Variants in COL4A3 observed in about 807,000 individuals in gnomAD.
The protein encoded by COL4A3 is collagen alpha-3(IV) chain.
COL4A3 carries 135 observed loss-of-function variants against 217.4 expected under a neutral mutation model. The observed-to-expected ratio is 0.62, with a 90% confidence interval of 0.54 to 0.72. The LOEUF is 0.72. Among genes scored for constraint, COL4A3 ranks in the 30% least tolerant of loss-of-function variants. The probability of loss-of-function intolerance (pLI) is 0.00; values close to 1 mark genes in which losing one functional copy is unlikely to be tolerated. For synonymous variants in COL4A3, 690 were observed against 736.3 expected (o/e 0.94, Z 1.02); for missense variants, 1,868 against 2,119.9 (o/e 0.88, Z 2.33).
chr2:227,203,480 CATATGTGTGTATATGTGTATATATACAT>C (rs1559823053), intron 1 of COL4A3, among the ~76,000 whole-genome samples: 1 of 20,792 alleles, frequency 4.8e-5, no homozygotes, highest in Non-Finnish European at 7.8e-5. Flanking sequence ...TATGTGTATA[CATATGTGTGTATATGTGTATATATACAT>C]ATATGTGTGT....
At chr2:227,198,389 T>C (rs2066562889) in intron 1 of COL4A3, among the ~76,000 whole-genome samples, 2 of 152,194 alleles carry the variant, frequency 1.3e-5, no homozygotes, top group South Asian at 2.1e-4. Flanking sequence ...TATTTAAAAA[T>C]TCAAATATAG....
chr2:227,208,756 G>C (rs1005458834), intron 1 of COL4A3, among the ~76,000 whole-genome samples: 2 of 141,798 alleles, frequency 1.4e-5, no homozygotes, highest in African/African-American at 2.8e-5. Flanking sequence ...AACCCATTAG[G>C]CGGTTGGTTA....
At chr2:227,260,976 A>C (rs2070520177) in intron 19 of COL4A3, 106 bp from the exon 20 acceptor site, 2 of 911,644 alleles carry the variant, frequency 2.2e-6, no homozygotes, top group East Asian at 2.5e-5. Context: ...AAAGTATGAA[A>C]ACTCTGTATT....
chr2:227,188,394 A>G (rs2066109935), intron 1 of COL4A3, among the ~76,000 whole-genome samples: 1 of 152,056 alleles, frequency 6.6e-6, no homozygotes, highest in African/African-American at 2.4e-5. Context: ...GTCTTTTTAA[A>G]GCTCAGCGAG....
Position 227,251,383 on chromosome 2 carries a change from T to C in COL4A3, c.645+12T>C, listed in dbSNP as rs1292580602. 1.2e-6 allele frequency: 2 copies of C among 1,611,702 alleles called. No homozygotes were observed. Among genetic ancestry groups the C allele is most frequent in the East Asian group, 4.5e-5 (2 of 44,840 alleles). ...CTAGAGGACCTAAGGTAGACTACAG[T>C]TCATATGATGTAACAGCTAGCACAC... On this transcript the variant is annotated intron_variant, in intron 11 of 51. Coordinates refer to ENST00000396578, the MANE Select transcript of COL4A3 (RefSeq NM_000091.5).
intron 1 of COL4A3, among the ~76,000 whole-genome samples, chr2:227,188,577 C>A (rs1230128522): frequency 6.6e-6 from 1 of 152,076 alleles, no homozygotes; most frequent in Admixed American, 6.6e-5. Context: ...CTCATGGAAT[C>A]AAAACCCAAA....
At chr2:227,232,585 T>C (rs2068464994) in intron 1 of COL4A3, among the ~76,000 whole-genome samples, 1 of 152,198 alleles carries the variant, frequency 6.6e-6, no homozygotes, top group African/African-American at 2.4e-5. Context: ...TGAGATGATA[T>C]CTCGGTGTAG....
intron 1 of COL4A3, among the ~76,000 whole-genome samples, chr2:227,179,932 A>G (rs957090931): frequency 6.6e-5 from 10 of 152,268 alleles, no homozygotes; most frequent in African/African-American, 2.4e-4. Context: ...CAGGCATTAT[A>G]TTAAGCAAAT....
At chr2:227,210,434 T>TAC (rs1348470711) in intron 1 of COL4A3, among the ~76,000 whole-genome samples, 58 of 147,054 alleles carry the variant, frequency 3.9e-4, no homozygotes, top group East Asian at 1.3e-3. Context: ...CTACTAAAAA[T>TAC]AAAAAATTAG....
intron 4 of COL4A3, 29 bp downstream of exon 4, chr2:227,244,393 C>A (rs558894433): frequency 4.4e-6 from 7 of 1,604,444 alleles, no homozygotes; most frequent in African/African-American, 2.7e-5. Context: ...CCACCCTGAT[C>A]GTTAAAAGAT....
intron 1 of COL4A3, chr2:227,169,215 T>C (rs1418307023): frequency 6.6e-6 from 1 of 151,446 alleles, no homozygotes; most frequent in South Asian, 2.1e-4. Context: ...ACAAAGGACA[T>C]GAACTCGTCA....
At chr2:227,202,763 A>ATATATATATATTATATATATATATATG (rs1559819259) in intron 1 of COL4A3, among the ~76,000 whole-genome samples, 2 of 109,630 alleles carry the variant, frequency 1.8e-5, no homozygotes, top group Non-Finnish European at 3.9e-5. Context: ...ATATATATAT[A>ATATATATATATTATATATATATATATG]TATATATATC....
chr2:227,254,771 C>T (rs1006735624), intron 15 of COL4A3, 56 bp downstream of exon 15: 10 of 1,259,444 alleles, frequency 7.9e-6, no homozygotes, highest in Non-Finnish European at 1.2e-5. Flanking sequence ...ACTTGGGACT[C>T]TTTAGGTTAC....
chr2:227,303,732 C>A (rs2073387139), intron 44 of COL4A3, 127 bp from the exon 45 acceptor site: 5 of 909,440 alleles, frequency 5.5e-6, no homozygotes, highest in Non-Finnish European at 7.1e-6. Context: ...GCCCTTGTGA[C>A]AGAACCCATA....
At position 227,266,445 on chromosome 2, in the gene COL4A3, T is replaced by G. The variant is rs772938462; in HGVS notation, c.1344T>G (p.Pro448=). ...ACATCGTTTTTCGCAAGGGTCCACC[T>G]GGAGATCACGGACTGCCAGGCTATC... ...PGDIVFRKGP[P]GDHGLPGYLG... Residue 448 remains proline (P), a synonymous_variant, in exon 22 of 52, where the codon CCT becomes CCG. Transcript: ENST00000396578. The G allele has an allele frequency of 6.2e-7, 1 of 1,614,116 alleles. No homozygotes were observed. The highest frequency in any genetic ancestry group is 2.2e-5 in the East Asian group (1 of 44,876).
chr2:227,303,048 G>A lies in COL4A3; in HGVS notation c.3893G>A (p.Gly1298Asp). ...MGPPGRLGAP[G>D]TPGLPGPRGD... is the part of the protein sequence containing the mutation. ...TTATTTGAAATATAGGGAGCACCAGGTACTCCAGGTCTTCCAGGACCCAGA... is the reference window on the plus strand; with the variant it reads ...TTATTTGAAATATAGGGAGCACCAGATACTCCAGGTCTTCCAGGACCCAGA... The change falls in exon 44 of 52, where the codon GGT becomes GAT. Residue 1298 changes from glycine to aspartate, a missense_variant. Around this residue, in one of 2 missense-constraint regions of COL4A3, gnomAD observed 1,503 missense variants for 1,786.1 expected, o/e 0.84. Transcript: ENST00000396578. 2 of 1,613,094 alleles carry A rather than the reference G, an allele frequency of 1.2e-6. No individual in the cohort carries two copies. Among genetic ancestry groups the A allele is most frequent in the South Asian group, 2.2e-5 (2 of 91,056 alleles).
At chr2:227,245,066 G>C (rs2069248795) in intron 5 of COL4A3, 71 bp downstream of exon 5, 1 of 1,468,874 alleles carries the variant, frequency 6.8e-7, no homozygotes, top group Non-Finnish European at 9.5e-7. Context: ...TGTTAAAACA[G>C]TCGTGCAAGA....
chr2:227,248,390 G>T lies in COL4A3; in HGVS notation c.469-53G>T, dbSNP rs111564047. The T allele has an allele frequency of 0.026, 27,857 of 1,069,760 alleles. 1,316 individuals carry two copies. Among genetic ancestry groups the T allele is most frequent in the Admixed American group, 0.15 (8,985 of 59,196 alleles). 66.3% of individuals were successfully genotyped at this position (1,069,760 alleles called of 1,614,324 possible). On this transcript the variant is annotated intron_variant, in intron 8 of 51. Transcript: ENST00000396578. Reference sequence around the variant, plus strand: ...TATAACTTTGAATAAGCACTTGAAGGGGTTTTGAAAATATAACATTGATGA... The same window carrying T: ...TATAACTTTGAATAAGCACTTGAAGTGGTTTTGAAAATATAACATTGATGA...
intron 1 of COL4A3, among the ~76,000 whole-genome samples, chr2:227,176,678 A>G (rs1023261222): frequency 1.1e-4 from 17 of 152,362 alleles, no homozygotes; most frequent in African/African-American, 3.8e-4. Flanking sequence ...TAGACAAAAC[A>G]GTCAGGTCAT....
Sources: gnomAD v4.1 joint callset for allele counts (sites outside exome capture counted in the v4.1 genomes callset) on GRCh38, gnomAD v4.1.1 for gene constraint, gnomAD v4.1.1 regional missense constraint, MANE v1.5 for transcripts, NCBI Gene and HGNC (gene_info 2026-07-23, HGNC 2026-07-21) for gene names.